The following KLHL28 variants were observed in gnomAD, a reference collection of about 807,000 sequenced individuals.
KLHL28 encodes kelch like family member 28.
In KLHL28, 22 loss-of-function variants were observed where a neutral mutation model predicts 48.3. That is an observed-to-expected ratio of 0.46 (90% CI 0.33 to 0.65). The LOEUF is 0.65. Among genes scored for constraint, KLHL28 ranks in the 30% least tolerant of loss-of-function variants. The probability of loss-of-function intolerance (pLI) is 0.03; values close to 1 mark genes in which losing one functional copy is unlikely to be tolerated. For missense variants in KLHL28, 527 were observed against 704.3 expected (o/e 0.75, Z 2.85); for synonymous variants, 243 against 242.4 (o/e 1.00, Z -0.02).
intron 3 of KLHL28, among the ~76,000 whole-genome samples, chr14:44,931,947 A>C (rs1355505204): frequency 6.6e-6 from 1 of 152,156 alleles, no homozygotes; most frequent in African/African-American, 2.4e-5. Context: ...GATTCATATA[A>C]GAATAAAGTC....
intron 1 of KLHL28, among the ~76,000 whole-genome samples, chr14:44,959,065 G>C (rs1286947478): frequency 6.7e-6 from 1 of 150,356 alleles, no homozygotes; most frequent in Non-Finnish European, 1.5e-5. Context: ...CTTCAACCAA[G>C]GATTGAAAGA....
intron 1 of KLHL28, among the ~76,000 whole-genome samples, chr14:44,959,078 AAAT>A (rs774623890): frequency 2.0e-5 from 3 of 151,988 alleles, no homozygotes; most frequent in Non-Finnish European, 4.4e-5. Flanking sequence ...TTGAAAGAAA[AAAT>A]AATAAATTAA....
chr14:44,935,870 G>GTGTA (rs1566564872), intron 2 of KLHL28, among the ~76,000 whole-genome samples: 2 of 30,084 alleles, frequency 6.6e-5, no homozygotes, highest in Admixed American at 5.0e-4. Context: ...ATGTGTATGT[G>GTGTA]TATGTATATA....
At chr14:44,947,073 A>C (rs1884369796) in intron 1 of KLHL28, among the ~76,000 whole-genome samples, 1 of 152,214 alleles carries the variant, frequency 6.6e-6, no homozygotes, top group African/African-American at 2.4e-5. Flanking sequence ...TTATATGGCA[A>C]AAAGGGACTT....
intron 1 of KLHL28, among the ~76,000 whole-genome samples, chr14:44,949,946 T>C (rs1009585115): frequency 2.6e-5 from 4 of 152,122 alleles, no homozygotes; most frequent in Non-Finnish European, 5.9e-5. Context: ...CTACAGATTT[T>C]GGGTATCATC....
chr14:44,957,258 T>C (rs913904933), intron 1 of KLHL28, among the ~76,000 whole-genome samples: 1 of 152,232 alleles, frequency 6.6e-6, no homozygotes, highest in African/African-American at 2.4e-5. Context: ...GGTAAATAGA[T>C]GTTCATCATA....
intron 4 of KLHL28, 90 bp downstream of exon 4, chr14:44,931,243 T>A: frequency 4.4e-6 from 3 of 674,446 alleles, no homozygotes; most frequent in Non-Finnish European, 7.1e-6. Context: ...GTAATATTCC[T>A]ACTGCTATAT....
intron 2 of KLHL28, among the ~76,000 whole-genome samples, chr14:44,938,880 CTG>C (rs1197688710): frequency 6.6e-6 from 1 of 152,178 alleles, no homozygotes; most frequent in African/African-American, 2.4e-5. Flanking sequence ...CACTACAGTT[CTG>C]TGTTTTTTGG....
chr14:44,933,981 C>T (rs1333140280), intron 3 of KLHL28, 134 bp downstream of exon 3: 1 of 621,182 alleles, frequency 1.6e-6, no homozygotes, highest in Non-Finnish European at 2.8e-6. Flanking sequence ...ACAATTATAT[C>T]CATGGAGCAG....
chr14:44,951,703 AACT>A (rs1165051645), intron 1 of KLHL28, among the ~76,000 whole-genome samples: 2 of 152,240 alleles, frequency 1.3e-5, no homozygotes, highest in Non-Finnish European at 2.9e-5. Flanking sequence ...TCCTTGTAAG[AACT>A]ACTGAGAATA....
At chr14:44,938,665 C>T (rs74244124) in intron 2 of KLHL28, among the ~76,000 whole-genome samples, 7,392 of 152,192 alleles carry the variant, frequency 0.049, 232 homozygotes, top group East Asian at 0.12. Flanking sequence ...CCACCGCGCC[C>T]GGCCGAAAAC....
chr14:44,931,465 C>T lies in KLHL28; in HGVS notation c.1420G>A (p.Val474Met), dbSNP rs138890253. The T allele has an allele frequency of 4.9e-5, 79 of 1,613,890 alleles. No individual in the cohort carries two copies. Among genetic ancestry groups the T allele is most frequent in the East Asian group, 4.5e-4 (20 of 44,890 alleles). The change falls in exon 4 of 5, where the codon GTG (valine) becomes ATG (methionine). Residue 474 changes from valine to methionine, a missense_variant. Coordinates refer to ENST00000396128, the MANE Select transcript of KLHL28 (RefSeq NM_017658.5). The part of the protein sequence containing the change: ...SMADKRIHFG[V>M]GVMLGFIFVV... Reference sequence around the variant, plus strand: ...AAAATAAAGCCTAGCATGACACCCACGCCAAAGTGAATCCTTTTATCTGCC... The same window carrying T: ...AAAATAAAGCCTAGCATGACACCCATGCCAAAGTGAATCCTTTTATCTGCC...
At chr14:44,961,773 C>G (rs1173534647) in intron 1 of KLHL28, 73 bp downstream of exon 1, 2 of 152,364 alleles carry the variant, frequency 1.3e-5, no homozygotes, top group Non-Finnish European at 2.9e-5. Context: ...TTGCCTCTTA[C>G]TCTAGCACCA....
At chr14:44,947,196 A>G (rs557615927) in intron 1 of KLHL28, among the ~76,000 whole-genome samples, 12 of 152,338 alleles carry the variant, frequency 7.9e-5, no homozygotes, top group African/African-American at 2.6e-4. Context: ...TGACACAGAC[A>G]GAAGAGGAGG....
At position 44,927,021 on chromosome 14, in the gene KLHL28, T is replaced by C. The variant is rs1001193853; in HGVS notation, c.*2007A>G. 2 of 152,634 alleles carry C rather than the reference T, an allele frequency of 1.3e-5. No individual in the cohort carries two copies. The highest frequency in any genetic ancestry group is 6.5e-5 in the Admixed American group (1 of 15,278). 9.5% of individuals were successfully genotyped at this position (152,634 alleles called of 1,614,324 possible). A position where few individuals can be genotyped will look rare whatever the true frequency, so the allele number is the denominator to read the frequency against. On this transcript the variant is annotated 3_prime_UTR_variant, in exon 5 of 5. Transcript: ENST00000396128. ...CAATAGTGCACCTATTTCTATGCAA[T>C]AGATTTATTCAAATCAATGAAAAAG...
At chr14:44,940,445 T>A (rs1884020683) in intron 2 of KLHL28, among the ~76,000 whole-genome samples, 1 of 152,326 alleles carries the variant, frequency 6.6e-6, no homozygotes, top group East Asian at 1.9e-4. Context: ...TTTAACATAT[T>A]TGCACAACTA....
chr14:44,952,420 T>G (rs1486832332), intron 1 of KLHL28, among the ~76,000 whole-genome samples: 9 of 152,186 alleles, frequency 5.9e-5, no homozygotes, highest in Admixed American at 5.2e-4. Flanking sequence ...GTGTTTTAAG[T>G]CCTCCAGGTT....
Position 44,931,400 on chromosome 14 carries a change from G to A in KLHL28, c.1485C>T (p.Ser495=), listed in dbSNP as rs1332512925. 1.9e-6 allele frequency: 3 copies of A among 1,613,830 alleles called. No individual in the cohort carries two copies. Among genetic ancestry groups the A allele is most frequent in the Non-Finnish European group, 2.5e-6 (3 of 1,179,914 alleles). ...GGHNGVSHLS[S]IERYDPHQNQ... ...TTTGATGAGGATCGTATCTTTCAAT[G>A]CTGGACAAATGTGAGACTCCATTAT... is the stretch of plus-strand genomic sequence containing the variant. The change falls in exon 4 of 5, where the codon AGC becomes AGT. Residue 495 remains serine, a synonymous_variant. Coordinates refer to ENST00000396128, the MANE Select transcript of KLHL28 (RefSeq NM_017658.5).
At chr14:44,955,568 G>A (rs1420131101) in intron 1 of KLHL28, among the ~76,000 whole-genome samples, 1 of 152,130 alleles carries the variant, frequency 6.6e-6, no homozygotes, top group Non-Finnish European at 1.5e-5. Flanking sequence ...TTGAGCCCAG[G>A]AGTTTGAGAC....
Sources: allele counts gnomAD v4.1 joint callset (sites outside exome capture counted in the v4.1 genomes callset), GRCh38; gene constraint gnomAD v4.1.1; transcripts MANE v1.5; gene names NCBI Gene and HGNC (gene_info 2026-07-23, HGNC 2026-07-21).